Variants in IGSF10 observed in about 807,000 individuals in gnomAD.
The protein encoded by IGSF10 is immunoglobulin superfamily member 10, also known as calvaria mechanical force protein 608.
Under a neutral mutation model 128.2 loss-of-function variants are expected in IGSF10, and 126 were observed. The observed-to-expected ratio is 0.98, with a 90% CI of 0.85 to 1.14. The LOEUF (loss-of-function observed/expected upper bound fraction) is 1.14, where lower values mean the gene tolerates loss of function less well. Ranked by LOEUF, IGSF10 falls within the 50% of genes most tolerant of loss-of-function variation. IGSF10 has a pLI of 0.00. For missense variants in IGSF10, 3,295 were observed against 3,149.8 expected (o/e 1.05, Z -1.10); for synonymous variants, 1,185 against 1,146.2 (o/e 1.03, Z -0.68).
intron 5 of IGSF10, among the ~76,000 whole-genome samples, chr3:151,450,154 T>C (rs1721443644): frequency 6.6e-6 from 1 of 152,226 alleles, no homozygotes; most frequent in Admixed American, 6.5e-5. Context: ...CATAGGTGCC[T>C]TGTCTTTCAA....
At chr3:151,441,283 G>T (rs1560173201) in intron 7 of IGSF10, among the ~76,000 whole-genome samples, 1 of 152,208 alleles carries the variant, frequency 6.6e-6, no homozygotes, top group East Asian at 1.9e-4. Context: ...TTTGAAAATA[G>T]AAGGTTTCCC....
chr3:151,613,439 A>G, the IGSF10 span, among the ~76,000 whole-genome samples: 1 of 152,244 alleles, frequency 6.6e-6, no homozygotes, highest in Non-Finnish European at 1.5e-5. Context: ...ACAAGGCTAC[A>G]GTAACCAAAA....
At chr3:151,480,747 A>G in the IGSF10 span, among the ~76,000 whole-genome samples, 3 of 151,688 alleles carry the variant, frequency 2.0e-5, no homozygotes, top group Admixed American at 2.0e-4. Context: ...GAGCCACCCC[A>G]TGCCCCCATC....
intron 5 of IGSF10, 59 bp downstream of exon 5, chr3:151,453,325 A>G: frequency 2.2e-6 from 3 of 1,375,892 alleles, no homozygotes; most frequent in Non-Finnish European, 3.0e-6. Flanking sequence ...TCCTAATATA[A>G]TACCTCCAAG....
rs1720964832 is a variant in IGSF10, at chr3:151,443,248, C to T, written c.5699G>A (p.Gly1900Glu). 4 of 1,611,506 alleles carry T rather than the reference C, an allele frequency of 2.5e-6. No homozygotes were observed. The African/African-American group carries it at 5.4e-5, about 22-fold the overall frequency. The change falls in exon 7 of 8, where the codon GGG becomes GAG. Residue 1900 changes from glycine to glutamate, a missense_variant. Gly to Glu is a moderately conservative substitution (Grantham distance 98). Transcript: ENST00000282466. The stretch of plus-strand genomic sequence containing the variant: ...GGCTAGGTTTCTTATATACAAAGTC[C>T]CATTTGAAAATAAGAACAACTTGGA... ...TNSKLFLFSNGTLYIRNLASS... is the reference protein window; with the variant it reads ...TNSKLFLFSNETLYIRNLASS...
At chr3:151,551,206 A>C in the IGSF10 span, among the ~76,000 whole-genome samples, 1 of 152,176 alleles carries the variant, frequency 6.6e-6, no homozygotes, top group East Asian at 1.9e-4. Flanking sequence ...TTAAACACAG[A>C]TGTTAACTCC....
chr3:151,500,742 G>A, the IGSF10 span, among the ~76,000 whole-genome samples: 11 of 152,202 alleles, frequency 7.2e-5, no homozygotes, highest in Admixed American at 3.3e-4. Context: ...ACATTTGCAC[G>A]TATATTCCAT....
At chr3:151,494,676 A>G in the IGSF10 span, among the ~76,000 whole-genome samples, 2 of 152,268 alleles carry the variant, frequency 1.3e-5, no homozygotes, top group Middle Eastern at 6.8e-3. Flanking sequence ...TCATATTGAA[A>G]ATACTGAGAA....
the IGSF10 span, among the ~76,000 whole-genome samples, chr3:151,594,621 C>CTT: frequency 2.0e-5 from 3 of 148,182 alleles, no homozygotes; most frequent in African/African-American, 5.0e-5. Flanking sequence ...CGCGCCCGGC[C>CTT]CTTTTTTTTT....
chr3:151,575,032 T>C, the IGSF10 span, among the ~76,000 whole-genome samples: 1 of 152,184 alleles, frequency 6.6e-6, no homozygotes, highest in Non-Finnish European at 1.5e-5. Context: ...CCTGTTTGCC[T>C]GGGTATTGCC....
At chr3:151,556,449 T>C in the IGSF10 span, among the ~76,000 whole-genome samples, 4 of 152,168 alleles carry the variant, frequency 2.6e-5, no homozygotes, top group African/African-American at 9.6e-5. Context: ...GGTTATGTTA[T>C]GGAACAGGTT....
At chr3:151,596,690 T>C in the IGSF10 span, among the ~76,000 whole-genome samples, 5 of 152,164 alleles carry the variant, frequency 3.3e-5, no homozygotes, top group East Asian at 3.8e-4. Context: ...CATTGAACAA[T>C]GGGCCCAATT....
the IGSF10 span, among the ~76,000 whole-genome samples, chr3:151,515,313 T>G: frequency 2.6e-5 from 4 of 151,710 alleles, no homozygotes; most frequent in African/African-American, 4.8e-5. Flanking sequence ...TTCATGTCCT[T>G]TGTATGGACA....
At chr3:151,444,524 G>A (rs1434051454) in intron 6 of IGSF10, among the ~76,000 whole-genome samples, 1 of 152,134 alleles carries the variant, frequency 6.6e-6, no homozygotes, top group African/African-American at 2.4e-5. Flanking sequence ...TGGCCAGGCT[G>A]ATCCTGAACT....
chr3:151,619,358 A>AT, the IGSF10 span, among the ~76,000 whole-genome samples: 1 of 152,052 alleles, frequency 6.6e-6, no homozygotes, highest in Non-Finnish European at 1.5e-5. Context: ...AAAGCAGAAC[A>AT]TTTTTTATAA....
At chr3:151,511,464 A>G in the IGSF10 span, among the ~76,000 whole-genome samples, 2 of 152,248 alleles carry the variant, frequency 1.3e-5, no homozygotes, top group Non-Finnish European at 2.9e-5. Flanking sequence ...TCCTGAAGGA[A>G]GCACTAAACA....
At chr3:151,484,209 T>C in the IGSF10 span, among the ~76,000 whole-genome samples, 1 of 152,220 alleles carries the variant, frequency 6.6e-6, no homozygotes, top group Non-Finnish European at 1.5e-5. Context: ...CAGAGCCCAC[T>C]GCAGCTCAGC....
At chr3:151,524,024 C>A in the IGSF10 span, among the ~76,000 whole-genome samples, 5 of 152,094 alleles carry the variant, frequency 3.3e-5, no homozygotes, top group Admixed American at 6.6e-5. Flanking sequence ...AGAAGACATA[C>A]AAGTGGCCAA....
chr3:151,443,596 T>G lies in IGSF10; in HGVS notation c.5351A>C (p.Gln1784Pro). Residue 1784 changes from glutamine (Q) to proline (P), a missense_variant, in exon 7 of 8, where the codon CAA (glutamine) becomes CCA (proline). By Grantham distance (76) the Gln-to-Pro change is moderately conservative. Transcript: ENST00000282466. ...SPTVTWILANQTVVSESSQGS... is the reference protein window; with the variant it reads ...SPTVTWILANPTVVSESSQGS... ...CTGGGATGATTCTGAGACAACTGTT[T>G]GGTTTGCAAGAATCCAGGTAACTGT... The G allele has an allele frequency of 6.2e-7, 1 of 1,614,246 alleles. No individual in the cohort carries two copies. Among genetic ancestry groups the G allele is most frequent in the Non-Finnish European group, 8.5e-7 (1 of 1,180,048 alleles).
Sources: allele counts gnomAD v4.1 joint callset (sites outside exome capture counted in the v4.1 genomes callset), GRCh38; gene constraint gnomAD v4.1.1; transcripts MANE v1.5; gene names NCBI Gene and HGNC (gene_info 2026-07-23, HGNC 2026-07-21).